LINS1: variants seen among roughly 807,000 people sequenced by gnomAD.
LINS1 encodes the protein lines homolog 1, also known as protein Lines homolog 1.
In LINS1, 27 loss-of-function variants were observed where a neutral mutation model predicts 41.6. That is an observed-to-expected ratio of 0.65 (90% confidence interval 0.48 to 0.89). The LOEUF is 0.89. Ranked by LOEUF, LINS1 falls within the 40% of genes least tolerant of loss-of-function variation. The pLI is 0.00. For missense variants in LINS1, 955 were observed against 884.1 expected (o/e 1.08, Z -1.02); for synonymous variants, 336 against 312.9 (o/e 1.07, Z -0.78).
At position 100,569,007 on chromosome 15, in the gene LINS1, C is replaced by T. The variant is rs1444180166; in HGVS notation, c.*231G>A. 1 of 374,584 alleles carries T rather than the reference C, an allele frequency of 2.7e-6. No individual in the cohort carries two copies. The highest frequency in any genetic ancestry group is 4.9e-6 in the Non-Finnish European group (1 of 205,446). The allele number at this position is 374,584 out of a possible 1,614,324, so 23.2% of individuals were successfully genotyped here. On this transcript the variant is annotated 3_prime_UTR_variant, in exon 7 of 7. Transcript: ENST00000314742. Reference sequence around the variant, plus strand: ...GGCGTGGTGGCGGGCACCTGTAATTCCAGCTACTCGGGAGACTGAGGCAGG... The same window carrying T: ...GGCGTGGTGGCGGGCACCTGTAATTTCAGCTACTCGGGAGACTGAGGCAGG...
At chr15:100,587,157 TAAA>T (rs56781451) in intron 1 of LINS1, among the ~76,000 whole-genome samples, 2,708 of 68,242 alleles carry the variant, frequency 0.04, 47 homozygotes, top group African/African-American at 0.063. Flanking sequence ...GACTCTGTCT[TAAA>T]AAAAAAAAAA....
Position 100,580,267 on chromosome 15 carries a change from T to C in LINS1, c.485A>G (p.Glu162Gly), listed in dbSNP as rs766613758. The C allele has an allele frequency of 1.9e-6, 3 of 1,593,948 alleles. No homozygotes were observed. In the East Asian group the frequency reaches 6.7e-5, roughly 36 times the overall value. ...TACTTTGATTACTTATCTTACCTTT[T>C]CTCTCAATTGGAAATATAGAAGCAA... is the stretch of plus-strand genomic sequence containing the variant. ...LALLLYFQLR[E>G]KITLSNSWIA... The change falls in exon 3 of 7, where the codon GAA (glutamate) becomes GGA (glycine). Residue 162 changes from glutamate (E) to glycine (G), a missense_variant. Coordinates refer to ENST00000314742, the MANE Select transcript of LINS1 (RefSeq NM_001040616.3).
chr15:100,572,090 T>C (rs541217649), intron 5 of LINS1, 25 bp from the exon 6 acceptor site: 12 of 1,613,566 alleles, frequency 7.4e-6, no homozygotes, highest in African/African-American at 1.3e-5. Context: ...AATTTCAAAG[T>C]GTAGGCAATA....
At chr15:100,591,510 C>T (rs747132374) in intron 1 of LINS1, among the ~76,000 whole-genome samples, 5 of 152,202 alleles carry the variant, frequency 3.3e-5, no homozygotes, top group Non-Finnish European at 7.3e-5. Context: ...AACTCATGCA[C>T]TAGGCCCCAA....
At chr15:100,593,623 T>C (rs1172465620) in intron 1 of LINS1, among the ~76,000 whole-genome samples, 1 of 152,064 alleles carries the variant, frequency 6.6e-6, no homozygotes, top group Non-Finnish European at 1.5e-5. Flanking sequence ...AGAGATGTTA[T>C]GTCACAGAGC....
chr15:100,580,456 G>A lies in LINS1; in HGVS notation c.387C>T (p.Val129=), dbSNP rs756132515. 18 of 1,613,388 alleles carry A rather than the reference G, an allele frequency of 1.1e-5. No homozygotes were observed. Among genetic ancestry groups the A allele is most frequent in the Middle Eastern group, 1.6e-4 (1 of 6,080 alleles). Residue 129 remains valine (V), a synonymous_variant, in exon 2 of 7, where the codon GTC becomes GTT. Transcript: ENST00000314742. ...VIKILLESAK[V]DSKLICMFQN... ...ACAAATGGCTTACTAATTTAGAATC[G>A]ACTTTGGCTGATTCTAAGAGAATTT...
rs4965678 is a variant in LINS1, at chr15:100,575,243, C to A, written c.490-115G>T. The A allele has an allele frequency of 0.86, 709,271 of 822,332 alleles. 311,551 individuals carry two copies. Among genetic ancestry groups the A allele is most frequent in the Non-Finnish European group, 0.91 (469,861 of 515,368 alleles). 50.9% of individuals were successfully genotyped at this position (822,332 alleles called of 1,614,324 possible). A position where few individuals can be genotyped will look rare whatever the true frequency, so the allele number is the denominator to read the frequency against. ...AAAAGAAGTATGATAATATGTGGCACACCGAGAAGGAACAGAAGTATCCTA... is the reference window on the plus strand; with the variant it reads ...AAAAGAAGTATGATAATATGTGGCAAACCGAGAAGGAACAGAAGTATCCTA... On this transcript the variant is annotated intron_variant, in intron 3 of 6. Transcript: ENST00000314742.
chr15:100,570,587 AT>A (rs2037769434), intron 6 of LINS1: 2 of 154,786 alleles, frequency 1.3e-5, no homozygotes, highest in African/African-American at 4.8e-5. Context: ...TGCTGGAGCT[AT>A]GGAAGATTAT....
At chr15:100,587,157 TAAAAAAAAAAA>T (rs56781451) in intron 1 of LINS1, among the ~76,000 whole-genome samples, 2 of 68,266 alleles carry the variant, frequency 2.9e-5, no homozygotes, top group African/African-American at 5.6e-5. Context: ...GACTCTGTCT[TAAAAAAAAAAA>T]AAAAAAAAAA....
At chr15:100,600,709 T>C (rs2039453597) in intron 1 of LINS1, among the ~76,000 whole-genome samples, 1 of 152,184 alleles carries the variant, frequency 6.6e-6, no homozygotes, top group Non-Finnish European at 1.5e-5. Flanking sequence ...AAGTTGAAAT[T>C]ATGAAATATG....
intron 6 of LINS1, among the ~76,000 whole-genome samples, 189 bp downstream of exon 6, chr15:100,571,705 C>A (rs956200515): frequency 2.6e-5 from 4 of 152,182 alleles, no homozygotes; most frequent in Non-Finnish European, 5.9e-5. Context: ...AACTGCCCAG[C>A]CAGCCAGGTT....
chr15:100,574,285 T>G, intron 4 of LINS1, 44 bp from the exon 5 acceptor site: 1 of 1,241,754 alleles, frequency 8.1e-7, no homozygotes, highest in Non-Finnish European at 1.2e-6. Flanking sequence ...AAAACAGTCT[T>G]CTTCAAACAA....
Position 100,573,771 on chromosome 15 carries a change from G to T in LINS1, c.1102C>A (p.Gln368Lys). ...CTAGTGATAAGTTCACATTCAGGTT[G>T]AACTTCATCACCTCCAAAAAAGGAA... ...KHSFFGGDEV[Q>K]PECELITSPD... The change falls in exon 5 of 7, where the codon CAA becomes AAA. Residue 368 changes from glutamine to lysine, a missense_variant. Gln to Lys is a moderately conservative substitution (Grantham distance 53). Coordinates refer to ENST00000314742, the MANE Select transcript of LINS1 (RefSeq NM_001040616.3). The T allele has an allele frequency of 6.2e-7, 1 of 1,614,094 alleles. No individual in the cohort carries two copies. Among genetic ancestry groups the T allele is most frequent in the Non-Finnish European group, 8.5e-7 (1 of 1,179,962 alleles).
rs1054903429 is a variant in LINS1, at chr15:100,569,150, T to C, written c.*88A>G. ...AAAAAAAAAAAAAAAAGAAAACCCT[T>C]TTATGGTGATGATTTTATACTATTA... On this transcript the variant is annotated 3_prime_UTR_variant, in exon 7 of 7. Transcript: ENST00000314742. 1.2e-6 allele frequency: 1 copy of C among 854,348 alleles called. No individual in the cohort carries two copies. Among genetic ancestry groups the C allele is most frequent in the African/African-American group, 1.7e-5 (1 of 58,010 alleles). The allele number at this position is 854,348 out of a possible 1,614,324, so 52.9% of individuals were successfully genotyped here.
chr15:100,576,297 A>G (rs2038173068), intron 3 of LINS1, among the ~76,000 whole-genome samples: 1 of 152,218 alleles, frequency 6.6e-6, no homozygotes, highest in Non-Finnish European at 1.5e-5. Flanking sequence ...TAAAGAAGAA[A>G]AGAGAGAAGA....
In LINS1 at chr15:100,567,235, C is replaced by T. The variant is rs559445090; in HGVS notation, c.*2003G>A. 1 of 152,292 alleles carries T rather than the reference C, an allele frequency of 6.6e-6. No individual in the cohort carries two copies. Among genetic ancestry groups the T allele is most frequent in the South Asian group, 2.1e-4 (1 of 4,826 alleles). The allele number at this position is 152,292 out of a possible 1,614,324, so 9.4% of individuals were successfully genotyped here. On this transcript the variant is annotated 3_prime_UTR_variant, in exon 7 of 7. Transcript: ENST00000314742. ...AACACAATAGTAAGTATGCGTGTAT[C>T]TAAACATGCCTAAACATAGGACAGT...
chr15:100,589,588 G>A (rs2087955), intron 1 of LINS1, among the ~76,000 whole-genome samples: 127,809 of 152,116 alleles, frequency 0.84, 54,562 homozygotes, highest in Non-Finnish European at 0.91. Context: ...TTTTATTATT[G>A]AAAGTTCTGC....
chr15:100,569,122 C>CAAAAA lies in LINS1; in HGVS notation c.*111_*115dup, dbSNP rs56225071. On this transcript the variant is annotated 3_prime_UTR_variant, in exon 7 of 7. Coordinates refer to ENST00000314742, the MANE Select transcript of LINS1 (RefSeq NM_001040616.3). ...TGAGCGACAGAATGAGATTCTGTCT[C>CAAAAA]AAAAAAAAAAAAAAAAAAGAAAACC... 3.6e-4 allele frequency: 170 copies of CAAAAA among 476,972 alleles called. No homozygotes were observed. The highest frequency in any genetic ancestry group is 5.9e-4 in the Middle Eastern group (1 of 1,706). 29.5% of individuals were successfully genotyped at this position (476,972 alleles called of 1,614,324 possible). A position where few individuals can be genotyped will look rare whatever the true frequency, so the allele number is the denominator to read the frequency against.
rs569685366 is a variant in LINS1 at position 100,577,579 on chromosome 15, G to A, written c.490-2451C>T. ...CTCATGGATAGGAAGAATCAATATTGTGAAAATGGCCATACTGCCCAAGGT... is the reference window on the plus strand; with the variant it reads ...CTCATGGATAGGAAGAATCAATATTATGAAAATGGCCATACTGCCCAAGGT... On this transcript the variant is annotated intron_variant, in intron 3 of 6. Coordinates refer to ENST00000314742, the MANE Select transcript of LINS1 (RefSeq NM_001040616.3). 2.9e-3 allele frequency among the ~76,000 whole-genome samples: 436 copies of A among 152,292 alleles called. 1 individual carries two copies. The highest frequency in any genetic ancestry group is 5.0e-3 in the Non-Finnish European group (343 of 68,018).
Sources: allele counts gnomAD v4.1 joint callset (sites outside exome capture counted in the v4.1 genomes callset), GRCh38; gene constraint gnomAD v4.1.1; transcripts MANE v1.5; gene names NCBI Gene and HGNC (gene_info 2026-07-23, HGNC 2026-07-21).